The following CCDC38 variants were observed in gnomAD, a reference collection of about 807,000 sequenced individuals.
CCDC38 encodes coiled-coil domain containing 38.
A neutral mutation model predicts 72.8 loss-of-function variants in CCDC38; 69 were observed. The ratio of observed to expected loss-of-function variants is 0.95; its 90% CI spans 0.78 to 1.16. The LOEUF (loss-of-function observed/expected upper bound fraction) is 1.16, where lower values mean the gene tolerates loss of function less well. CCDC38 is among the 50% of genes most tolerant of loss of function. CCDC38 has a pLI of 0.00. For synonymous variants in CCDC38, 201 were observed against 213.2 expected (o/e 0.94, Z 0.50); for missense variants, 626 against 638.9 (o/e 0.98, Z 0.22).
At position 95,925,591 on chromosome 12, in the gene CCDC38, G is replaced by C. The variant is rs1217443868; in HGVS notation, c.38-6615C>G. ...TCCAACACGATGTTGAATAGTAGTG[G>C]TGAGAGAGGGCATCCCTGTCTTGTT... On this transcript the variant is annotated intron_variant, in intron 2 of 15. Transcript: ENST00000344280. 2.6e-5 allele frequency among the ~76,000 whole-genome samples: 4 copies of C among 152,274 alleles called. No homozygotes were observed. In the East Asian group the frequency reaches 7.7e-4, roughly 29 times the overall value.
At chr12:95,926,675 A>G (rs1429132710) in intron 2 of CCDC38, among the ~76,000 whole-genome samples, 1 of 151,492 alleles carries the variant, frequency 6.6e-6, no homozygotes, top group East Asian at 1.9e-4. Context: ...TCTTGTGGGC[A>G]TTTAGTGCTA....
intron 10 of CCDC38, among the ~76,000 whole-genome samples, chr12:95,886,538 C>G (rs2079761335): frequency 1.3e-5 from 2 of 152,194 alleles, no homozygotes; most frequent in Non-Finnish European, 2.9e-5. Flanking sequence ...AATCTATACA[C>G]TCAGAGAAAT....
intron 14 of CCDC38, 61 bp from the exon 15 acceptor site, chr12:95,869,634 A>G (rs2079559173): frequency 7.1e-6 from 9 of 1,275,706 alleles, no homozygotes; most frequent in Non-Finnish European, 9.0e-6. Context: ...AGAAAAGTAC[A>G]TTACTATTTG....
At chr12:95,872,598 G>A (rs575957967) in intron 13 of CCDC38, 138 bp from the exon 14 acceptor site, 46 of 640,188 alleles carry the variant, frequency 7.2e-5, no homozygotes, top group Non-Finnish European at 8.9e-5. Flanking sequence ...TTTTTGAGAC[G>A]GAGTCTCACT....
rs115673782 is a variant in CCDC38, at chr12:95,884,685, C to T, written c.921-3131G>A. Among the ~76,000 whole-genome samples, 595 of 152,332 alleles carry T rather than the reference C, an allele frequency of 3.9e-3. 2 individuals carry two copies. The highest frequency in any genetic ancestry group is 0.014 in the African/African-American group (576 of 41,572). On this transcript the variant is annotated intron_variant, in intron 10 of 15. Transcript: ENST00000344280. ...TATTAATACCTTTCTCTTAGCTGCT[C>T]CTATTGCCAGCAGTCCTTGGCTTGC...
Position 95,869,485 on chromosome 12 carries a change from T to G in CCDC38, c.1573A>C (p.Lys525Gln), listed in dbSNP as rs374605974. 1 of 1,612,020 alleles carries G rather than the reference T, an allele frequency of 6.2e-7. No homozygotes were observed. Among genetic ancestry groups the G allele is most frequent in the African/African-American group, 1.3e-5 (1 of 74,746 alleles). ...CTATTAATAGCAAAACAAACCTTTT[T>G]CTTTGGTTGTGCTACTGCTTTTTCC... ...ALEKAVAQPK[K>Q]KLGRRLVFHS... The change falls in exon 15 of 16, where the codon AAA becomes CAA. Residue 525 changes from lysine to glutamine, a missense_variant. Transcript: ENST00000344280.
chr12:95,873,167 A>C (rs571454636), intron 13 of CCDC38, among the ~76,000 whole-genome samples: 1 of 152,066 alleles, frequency 6.6e-6, no homozygotes, highest in East Asian at 1.9e-4. Context: ...CCTTTTTTGC[A>C]TGTATTACTC....
At chr12:95,890,635 G>A (rs1216232410) in intron 9 of CCDC38, among the ~76,000 whole-genome samples, 197 bp downstream of exon 9, 2 of 152,154 alleles carry the variant, frequency 1.3e-5, no homozygotes, top group African/African-American at 4.8e-5. Context: ...CTGATTCTCT[G>A]CCTATTCTAT....
At chr12:95,871,087 G>GT (rs1321976346) in intron 14 of CCDC38, among the ~76,000 whole-genome samples, 5 of 152,132 alleles carry the variant, frequency 3.3e-5, no homozygotes, top group Non-Finnish European at 1.5e-5. Context: ...CTCTCAACAT[G>GT]TTTTTTGCCA....
intron 11 of CCDC38, 26 bp downstream of exon 11, chr12:95,881,459 T>C (rs1480199574): frequency 6.4e-7 from 1 of 1,562,676 alleles, no homozygotes; most frequent in Admixed American, 1.8e-5. Context: ...ACCCAATATT[T>C]AAACTAGCAA....
chr12:95,873,766 C>T (rs1369855785), intron 13 of CCDC38, among the ~76,000 whole-genome samples: 4 of 152,158 alleles, frequency 2.6e-5, no homozygotes, highest in Non-Finnish European at 4.4e-5. Flanking sequence ...ATGGGAAGCC[C>T]CTCCTGGAAC....
chr12:95,915,907 C>T (rs766288990), intron 4 of CCDC38, among the ~76,000 whole-genome samples: 11 of 152,126 alleles, frequency 7.2e-5, no homozygotes, highest in East Asian at 1.9e-4. Context: ...TTTAAGAGAC[C>T]GGTAACTTCT....
intron 9 of CCDC38, among the ~76,000 whole-genome samples, chr12:95,889,674 G>A (rs1270694452): frequency 1.3e-5 from 2 of 152,084 alleles, no homozygotes; most frequent in African/African-American, 4.8e-5. Context: ...GGATACAGGA[G>A]AAAAGGAGTC....
At chr12:95,934,016 A>T (rs766800572) in intron 2 of CCDC38, 1 of 152,132 alleles carries the variant, frequency 6.6e-6, no homozygotes, top group Non-Finnish European at 1.5e-5. Flanking sequence ...TATAAAAACA[A>T]TTGTTTTTAA....
At chr12:95,908,130 T>C (rs1433107520) in intron 4 of CCDC38, among the ~76,000 whole-genome samples, 1 of 151,644 alleles carries the variant, frequency 6.6e-6, no homozygotes, top group South Asian at 2.1e-4. Context: ...GTGGATGTTG[T>C]AGGGAGCCGA....
chr12:95,875,335 T>G (rs1371325906), intron 13 of CCDC38, among the ~76,000 whole-genome samples: 1 of 152,158 alleles, frequency 6.6e-6, no homozygotes, highest in African/African-American at 2.4e-5. Context: ...CACTTGTGAT[T>G]TGTGCACTTC....
intron 2 of CCDC38, among the ~76,000 whole-genome samples, chr12:95,921,507 A>G (rs2080207512): frequency 6.6e-6 from 1 of 152,146 alleles, no homozygotes; most frequent in Admixed American, 6.5e-5. Flanking sequence ...GAGAAGCATG[A>G]AGGAGGAACT....
At chr12:95,890,962 G>A in intron 8 of CCDC38, 32 bp from the exon 9 acceptor site, 1 of 1,226,204 alleles carries the variant, frequency 8.2e-7, no homozygotes, top group Non-Finnish European at 1.2e-6. Context: ...GAGAGAGACA[G>A]AGAAAGATGG....
intron 13 of CCDC38, 42 bp from the exon 14 acceptor site, chr12:95,872,502 C>A (rs1311012622): frequency 7.9e-7 from 1 of 1,264,008 alleles, no homozygotes; most frequent in African/African-American, 1.5e-5. Context: ...TCACATTCCA[C>A]ATTCAATAAA....
Sources: gnomAD v4.1 joint callset for allele counts (sites outside exome capture counted in the v4.1 genomes callset) on GRCh38, gnomAD v4.1.1 for gene constraint, MANE v1.5 for transcripts, NCBI Gene and HGNC (gene_info 2026-07-23, HGNC 2026-07-21) for gene names.